The following CAMK2D variants were observed in gnomAD, a reference collection of about 807,000 sequenced individuals.
The protein encoded by CAMK2D is calcium/calmodulin-dependent protein kinase type II subunit delta.
Under a neutral mutation model 84.0 loss-of-function variants are expected in CAMK2D, and 37 were observed. That is an observed-to-expected ratio of 0.44 (90% CI 0.34 to 0.58). The LOEUF (loss-of-function observed/expected upper bound fraction) is 0.58, where lower values mean the gene tolerates loss of function less well. Ranked by LOEUF, CAMK2D falls within the 20% of genes least tolerant of loss-of-function variation. The pLI is 0.02. For missense variants in CAMK2D, 448 were observed against 652.5 expected, an observed-to-expected ratio of 0.69 and a Z score of 3.41; for synonymous variants, 202 against 212.5, an observed-to-expected ratio of 0.95 and a Z score of 0.43.
At chr4:113,559,702 T>A (rs532904476) in intron 4 of CAMK2D, among the ~76,000 whole-genome samples, 1 of 152,382 alleles carries the variant, frequency 6.6e-6, no homozygotes, top group South Asian at 2.1e-4. Context: ...TTAATTGGGA[T>A]GAAATCGTTT....
rs745615702 is a variant in CAMK2D at position 113,620,511 on chromosome 4, GT to G, written c.221-11306del. Among the ~76,000 whole-genome samples the G allele has an allele frequency of 6.2e-3, 885 of 141,832 alleles. 7 individuals carry two copies. Among genetic ancestry groups the G allele is most frequent in the African/African-American group, 0.018 (722 of 39,146 alleles). The allele number at this position is 141,832 out of a possible 152,430, so 93.0% of individuals were successfully genotyped here. On this transcript the variant is annotated intron_variant, in intron 3 of 20. Transcript: ENST00000511664. ...TAAACTTTCTTATTTTTTTACAAGA[GT>G]TTTTTTTTTTTTTTGAGACAGAGTC...
At chr4:113,506,097 G>C (rs1265835388) in intron 13 of CAMK2D, among the ~76,000 whole-genome samples, 1 of 151,988 alleles carries the variant, frequency 6.6e-6, no homozygotes, top group Non-Finnish European at 1.5e-5. Context: ...TATAGATAAT[G>C]ATGTAAAGAG....
At chr4:113,607,049 T>C (rs569939848) in intron 4 of CAMK2D, among the ~76,000 whole-genome samples, 1 of 151,588 alleles carries the variant, frequency 6.6e-6, no homozygotes, top group Admixed American at 6.6e-5. Flanking sequence ...CATTCAGGAA[T>C]AAAGGGGAAA....
chr4:113,688,381 C>A (rs1003827946), intron 2 of CAMK2D, among the ~76,000 whole-genome samples: 1 of 152,172 alleles, frequency 6.6e-6, no homozygotes, highest in Non-Finnish European at 1.5e-5. Flanking sequence ...AATAAAATAG[C>A]TTTTCATCAT....
intron 2 of CAMK2D, among the ~76,000 whole-genome samples, chr4:113,737,666 TA>T (rs201979436): frequency 1.7e-4 from 26 of 152,296 alleles, no homozygotes; most frequent in African/African-American, 6.0e-4. Flanking sequence ...TTCCATAATA[TA>T]AAAAATCTTT....
chr4:113,751,095 G>A (rs1004196002), intron 2 of CAMK2D, among the ~76,000 whole-genome samples: 1 of 152,122 alleles, frequency 6.6e-6, no homozygotes, highest in Non-Finnish European at 1.5e-5. Context: ...AATGAAAAAG[G>A]TGTTGAGATG....
chr4:113,719,267 T>A (rs977255508), intron 2 of CAMK2D, among the ~76,000 whole-genome samples: 12 of 152,150 alleles, frequency 7.9e-5, no homozygotes, highest in African/African-American at 2.9e-4. Flanking sequence ...TGTTCAGAAA[T>A]CAGGAGAGAG....
chr4:113,459,264 G>T (rs1020907139), intron 18 of CAMK2D, among the ~76,000 whole-genome samples: 2 of 152,042 alleles, frequency 1.3e-5, no homozygotes, highest in African/African-American at 4.8e-5. Flanking sequence ...TGTCACCCAG[G>T]CAGGAGTCCA....
At chr4:113,489,556 G>C (rs1278193709) in intron 16 of CAMK2D, among the ~76,000 whole-genome samples, 2 of 149,948 alleles carry the variant, frequency 1.3e-5, no homozygotes, top group African/African-American at 2.5e-5. Context: ...GGACATTTGG[G>C]TTGGTTCCAA....
chr4:113,754,159 C>G, intron 2 of CAMK2D: 6 of 919,118 alleles, frequency 6.5e-6, no homozygotes, highest in Non-Finnish European at 7.8e-6. Flanking sequence ...GTGTAGTTTA[C>G]TAGAAATACT....
intron 16 of CAMK2D, among the ~76,000 whole-genome samples, chr4:113,490,489 TC>T: frequency 9.5e-6 from 1 of 105,720 alleles, no homozygotes; most frequent in East Asian, 2.2e-4. Context: ...TCTGTTCTGT[TC>T]CATTGATCTA....
At chr4:113,728,242 A>C (rs1243658427) in intron 2 of CAMK2D, among the ~76,000 whole-genome samples, 3 of 152,212 alleles carry the variant, frequency 2.0e-5, no homozygotes, top group African/African-American at 7.2e-5. Flanking sequence ...TAAGAACTGG[A>C]AACAATCTAA....
At chr4:113,468,800 G>A (rs2097510004) in intron 16 of CAMK2D, among the ~76,000 whole-genome samples, 1 of 152,120 alleles carries the variant, frequency 6.6e-6, no homozygotes, top group Non-Finnish European at 1.5e-5. Flanking sequence ...ATTATACCAC[G>A]ATGAATGCAG....
chr4:113,658,398 ACAATGT>A (rs2099211958), intron 3 of CAMK2D, among the ~76,000 whole-genome samples: 1 of 152,116 alleles, frequency 6.6e-6, no homozygotes, highest in Non-Finnish European at 1.5e-5. Context: ...CCCTCTGCCT[ACAATGT>A]TTTTCGTTTG....
chr4:113,632,065 AC>A (rs1054607700), intron 3 of CAMK2D, among the ~76,000 whole-genome samples: 32 of 152,324 alleles, frequency 2.1e-4, no homozygotes, highest in African/African-American at 7.5e-4. Flanking sequence ...TTAAGAAGTT[AC>A]AGGCTAACAA....
intron 3 of CAMK2D, among the ~76,000 whole-genome samples, chr4:113,642,737 T>C (rs1013093056): frequency 1.1e-4 from 16 of 146,262 alleles, no homozygotes; most frequent in Non-Finnish European, 2.4e-4. Flanking sequence ...TTTCTTTTTC[T>C]TTTTTTTTTT....
chr4:113,460,462 C>T (rs949264309), intron 17 of CAMK2D, among the ~76,000 whole-genome samples: 4 of 151,920 alleles, frequency 2.6e-5, no homozygotes, highest in African/African-American at 9.7e-5. Flanking sequence ...CTAATTTATC[C>T]AGTTCAAGCA....
chr4:113,726,660 C>T (rs905499952), intron 2 of CAMK2D, among the ~76,000 whole-genome samples: 5 of 151,998 alleles, frequency 3.3e-5, no homozygotes, highest in Non-Finnish European at 5.9e-5. Context: ...GCCACCTCAG[C>T]CTCCCAAAGT....
intron 8 of CAMK2D, among the ~76,000 whole-genome samples, chr4:113,529,755 A>C (rs924916524): frequency 3.9e-5 from 6 of 152,138 alleles, no homozygotes; most frequent in African/African-American, 1.4e-4. Flanking sequence ...TCCCCTCGGG[A>C]TGGTCAATTT....
Sources: gnomAD v4.1 joint callset for allele counts (sites outside exome capture counted in the v4.1 genomes callset) on GRCh38, gnomAD v4.1.1 for gene constraint, MANE v1.5 for transcripts, NCBI Gene and HGNC (gene_info 2026-07-23, HGNC 2026-07-21) for gene names.